The following SLC9A9 variants were observed in gnomAD, a reference collection of about 807,000 sequenced individuals.
The protein encoded by SLC9A9 is sodium/hydrogen exchanger 9.
A neutral mutation model predicts 77.8 loss-of-function variants in SLC9A9; 62 were observed. The ratio of observed to expected loss-of-function variants is 0.80; its 90% CI spans 0.65 to 0.98. The LOEUF (loss-of-function observed/expected upper bound fraction) is 0.98. Ranked by LOEUF, SLC9A9 falls within the 50% of genes least tolerant of loss-of-function variation. The pLI is 0.00. For missense variants in SLC9A9, 775 were observed against 774.9 expected (o/e 1.00, Z 0.00); for synonymous variants, 320 against 283.5 (o/e 1.13, Z -1.29).
intron 6 of SLC9A9, among the ~76,000 whole-genome samples, chr3:143,602,363 C>T (rs905415767): frequency 7.9e-5 from 12 of 152,280 alleles, no homozygotes; most frequent in African/African-American, 2.2e-4. Context: ...AAGATCTCAA[C>T]GTGAGATCTG....
At chr3:143,811,781 G>A (rs1355534119) in intron 2 of SLC9A9, 2 of 450,176 alleles carry the variant, frequency 4.4e-6, no homozygotes, top group South Asian at 3.1e-5. Flanking sequence ...AGAATCGCAT[G>A]AACCCGGGAG....
chr3:143,759,266 G>A (rs2007032361), intron 4 of SLC9A9, among the ~76,000 whole-genome samples: 1 of 152,096 alleles, frequency 6.6e-6, no homozygotes, highest in East Asian at 1.9e-4. Flanking sequence ...AGCCCTGTGT[G>A]TCCTGTCCCC....
At chr3:143,503,673 C>T in intron 9 of SLC9A9, 1 of 417,636 alleles carries the variant, frequency 2.4e-6, no homozygotes. Flanking sequence ...TCTGGAGAGT[C>T]CTGCAGCCAT....
At chr3:143,370,567 G>GA in intron 13 of SLC9A9, among the ~76,000 whole-genome samples, 1 of 143,304 alleles carries the variant, frequency 7.0e-6, no homozygotes, top group South Asian at 2.3e-4. Flanking sequence ...GCATGTGCGC[G>GA]CACACACACA....
At chr3:143,542,883 G>A (rs1279397971) in intron 9 of SLC9A9, among the ~76,000 whole-genome samples, 2 of 152,100 alleles carry the variant, frequency 1.3e-5, no homozygotes, top group African/African-American at 4.8e-5. Context: ...ATCCTAAGAG[G>A]TTAAACAGGA....
At chr3:143,376,950 CTA>C (rs1320089827) in intron 13 of SLC9A9, among the ~76,000 whole-genome samples, 1 of 152,108 alleles carries the variant, frequency 6.6e-6, no homozygotes, top group Non-Finnish European at 1.5e-5. Context: ...AATTTACACT[CTA>C]TGAGACTAAC....
chr3:143,381,794 A>G, intron 13 of SLC9A9: 1 of 473,472 alleles, frequency 2.1e-6, no homozygotes, highest in South Asian at 2.3e-5. Flanking sequence ...CCTCATTCCA[A>G]GAGCCATCAT....
intron 9 of SLC9A9, among the ~76,000 whole-genome samples, chr3:143,529,973 T>C (rs1369476846): frequency 6.6e-6 from 1 of 152,120 alleles, no homozygotes; most frequent in Admixed American, 6.5e-5. Context: ...GGGTTGTGCT[T>C]GCCTGGAGTC....
intron 9 of SLC9A9, among the ~76,000 whole-genome samples, chr3:143,549,598 A>G (rs1316025480): frequency 6.6e-6 from 1 of 152,214 alleles, no homozygotes; most frequent in Non-Finnish European, 1.5e-5. Flanking sequence ...TCCTTCCTTA[A>G]AAGAGAATTC....
intron 2 of SLC9A9, among the ~76,000 whole-genome samples, chr3:143,808,767 G>A (rs1020907582): frequency 1.3e-5 from 2 of 151,872 alleles, no homozygotes; most frequent in African/African-American, 4.8e-5. Flanking sequence ...TCTTTACAAT[G>A]GACATAATAG....
chr3:143,443,427 T>C (rs1211991992), intron 12 of SLC9A9, among the ~76,000 whole-genome samples: 1 of 152,202 alleles, frequency 6.6e-6, no homozygotes, highest in Non-Finnish European at 1.5e-5. Context: ...GTTTTATCTA[T>C]TTTAATTACT....
chr3:143,662,763 C>T (rs914589241), intron 5 of SLC9A9, among the ~76,000 whole-genome samples: 9 of 152,004 alleles, frequency 5.9e-5, no homozygotes, highest in Non-Finnish European at 1.0e-4. Flanking sequence ...GGGTGTCTGC[C>T]ATTGCTGAGG....
intron 14 of SLC9A9, among the ~76,000 whole-genome samples, chr3:143,278,386 G>C (rs944281368): frequency 6.6e-6 from 1 of 152,206 alleles, no homozygotes; most frequent in African/African-American, 2.4e-5. Context: ...GATGCTAGAT[G>C]CTGTGTTAGA....
chr3:143,549,498 G>C (rs972639064), intron 9 of SLC9A9, among the ~76,000 whole-genome samples: 2 of 152,194 alleles, frequency 1.3e-5, no homozygotes, highest in African/African-American at 4.8e-5. Flanking sequence ...CTTCTGCTAT[G>C]ATCCAGGCAC....
intron 6 of SLC9A9, among the ~76,000 whole-genome samples, chr3:143,624,203 C>T (rs928815051): frequency 3.9e-5 from 6 of 152,336 alleles, no homozygotes; most frequent in African/African-American, 1.4e-4. Context: ...GGAGCTGGTA[C>T]CATTCCTTCT....
At chr3:143,362,804 A>G (rs1415767562) in intron 14 of SLC9A9, among the ~76,000 whole-genome samples, 4 of 152,162 alleles carry the variant, frequency 2.6e-5, no homozygotes, top group African/African-American at 4.8e-5. Context: ...GCAGCTCACA[A>G]TGGCAAAACA....
chr3:143,470,985 T>C (rs2035367370), intron 11 of SLC9A9, among the ~76,000 whole-genome samples: 1 of 152,106 alleles, frequency 6.6e-6, no homozygotes, highest in Non-Finnish European at 1.5e-5. Flanking sequence ...CAGAAACAAA[T>C]GGAAAAGTAC....
chr3:143,672,378 A>G (rs1290052005), intron 5 of SLC9A9, among the ~76,000 whole-genome samples: 2 of 152,240 alleles, frequency 1.3e-5, no homozygotes, highest in African/African-American at 4.8e-5. Flanking sequence ...AACAAAAGAA[A>G]TCAATGAAGA....
At position 143,467,317 on chromosome 3, in the gene SLC9A9, G is replaced by C. The variant is rs894984199; in HGVS notation, c.1316-127C>G. 2.1e-5 allele frequency: 22 copies of C among 1,071,630 alleles called. No individual in the cohort carries two copies. In the African/African-American group the frequency reaches 3.2e-4, roughly 16 times the overall value. The allele number at this position is 1,071,630 out of a possible 1,614,324, so 66.4% of individuals were successfully genotyped here. A position where few individuals can be genotyped will look rare whatever the true frequency, so the allele number is the denominator to read the frequency against. On this transcript the variant is annotated intron_variant, in intron 11 of 15. Coordinates refer to ENST00000316549, the MANE Select transcript of SLC9A9 (RefSeq NM_173653.4). ...ATCTTTTTATTTTGAGATAATTATA[G>C]ATTCATAAAGAGTTGTAAGAAATAA...
Sources: allele counts gnomAD v4.1 joint callset (sites outside exome capture counted in the v4.1 genomes callset), GRCh38; gene constraint gnomAD v4.1.1; transcripts MANE v1.5; gene names NCBI Gene and HGNC (gene_info 2026-07-23, HGNC 2026-07-21).